The following SPTLC3 variants were observed in gnomAD, a reference collection of about 807,000 sequenced individuals.
SPTLC3 encodes serine palmitoyltransferase 3.
Under a neutral mutation model 59.3 loss-of-function variants are expected in SPTLC3, and 36 were observed. That is an observed-to-expected ratio of 0.61 (90% CI 0.47 to 0.80). SPTLC3 has a LOEUF of 0.80. Among genes scored for constraint, SPTLC3 ranks in the 30% least tolerant of loss-of-function variants. The probability of loss-of-function intolerance (pLI) is 0.00; values close to 1 mark genes in which losing one functional copy is unlikely to be tolerated. For synonymous variants in SPTLC3, 257 were observed against 240.8 expected (o/e 1.07, Z -0.62); for missense variants, 625 against 685.1 (o/e 0.91, Z 0.98).
chr20:13,089,151 T>C (rs1025177777), intron 4 of SPTLC3, among the ~76,000 whole-genome samples: 1 of 152,188 alleles, frequency 6.6e-6, no homozygotes, highest in Non-Finnish European at 1.5e-5. Flanking sequence ...AATTCTTATA[T>C]CATACTTTGT....
chr20:13,033,221 T>G (rs533722439), intron 1 of SPTLC3, among the ~76,000 whole-genome samples: 2 of 152,306 alleles, frequency 1.3e-5, no homozygotes, highest in South Asian at 4.1e-4. Context: ...AATATTCTGA[T>G]AGTATGTGTG....
At chr20:13,140,167 A>G (rs1412092090) in intron 9 of SPTLC3, among the ~76,000 whole-genome samples, 1 of 152,248 alleles carries the variant, frequency 6.6e-6, no homozygotes, top group African/African-American at 2.4e-5. Context: ...ATAGTAGCAT[A>G]CAGACATTAA....
intron 1 of SPTLC3, among the ~76,000 whole-genome samples, chr20:13,044,065 A>G (rs1987116703): frequency 6.7e-6 from 1 of 149,976 alleles, no homozygotes; most frequent in Non-Finnish European, 1.5e-5. Context: ...CTCCCTAGGT[A>G]TTGATACATT....
At position 13,041,267 on chromosome 20, in the gene SPTLC3, G is replaced by A. The variant is rs373961765; in HGVS notation, c.118-7678G>A. Among the ~76,000 whole-genome samples, 46 of 151,654 alleles carry A rather than the reference G, an allele frequency of 3.0e-4. 2 individuals are homozygous for A. The South Asian group carries it at 6.0e-3, about 20-fold the overall frequency. On this transcript the variant is annotated intron_variant, in intron 1 of 11. Transcript: ENST00000399002. ...CATGTTTCAGAGGCCTTGTTCATTT[G>A]TCTTTATTTTTTTCCTCTGGTTTTT... is the stretch of plus-strand genomic sequence containing the variant.
At chr20:13,058,212 AT>A (rs1252715696) in intron 2 of SPTLC3, among the ~76,000 whole-genome samples, 2 of 152,142 alleles carry the variant, frequency 1.3e-5, no homozygotes, top group African/African-American at 4.8e-5. Flanking sequence ...ATAAATTGTT[AT>A]TTTGCATCCA....
In SPTLC3 at chr20:13,088,358, G is replaced by A. The variant is rs566323290; in HGVS notation, c.608-2725G>A. 3.7e-3 allele frequency among the ~76,000 whole-genome samples: 568 copies of A among 152,096 alleles called. 3 individuals are homozygous for A. The highest frequency in any genetic ancestry group is 0.013 in the African/African-American group (548 of 41,498). ...TGTCTTTGTTTTTGTTTTTTGAGAT[G>A]GAGTCTTGCTCTGTCGCCCAGGCTG... On this transcript the variant is annotated intron_variant, in intron 4 of 11. Coordinates refer to ENST00000399002, the MANE Select transcript of SPTLC3 (RefSeq NM_018327.4).
Position 13,166,325 on chromosome 20 carries a change from C to A in SPTLC3, c.*1458C>A, listed in dbSNP as rs1250727370. ...GAGCAGTGTGCCCTGATGCTCAAAG[C>A]GTATTAAAGGAAAAAAAGTGATCAG... On this transcript the variant is annotated 3_prime_UTR_variant, in exon 12 of 12. Coordinates refer to ENST00000399002, the MANE Select transcript of SPTLC3 (RefSeq NM_018327.4). 6.6e-6 allele frequency: 1 copy of A among 152,394 alleles called. No homozygotes were observed. Among genetic ancestry groups the A allele is most frequent in the Non-Finnish European group, 1.5e-5 (1 of 68,016 alleles). 9.4% of individuals were successfully genotyped at this position (152,394 alleles called of 1,614,324 possible).
chr20:13,097,211 T>C (rs1452135169), intron 6 of SPTLC3, among the ~76,000 whole-genome samples: 1 of 152,084 alleles, frequency 6.6e-6, no homozygotes, highest in Admixed American at 6.6e-5. Context: ...ATTAAGATAA[T>C]TCTAATCAGG....
intron 1 of SPTLC3, among the ~76,000 whole-genome samples, chr20:13,018,701 A>C (rs1024597467): frequency 6.6e-6 from 1 of 152,092 alleles, no homozygotes; most frequent in African/African-American, 2.4e-5. Flanking sequence ...TCCTGGAAAA[A>C]TTTTCTCTCA....
chr20:13,164,330 G>A (rs942253824), intron 11 of SPTLC3: 11 of 471,600 alleles, frequency 2.3e-5, no homozygotes, highest in Middle Eastern at 3.2e-4. Context: ...ATCAGCTCCC[G>A]CAACATTCCT....
At chr20:13,065,432 C>G (rs1332122673) in intron 2 of SPTLC3, among the ~76,000 whole-genome samples, 1 of 151,490 alleles carries the variant, frequency 6.6e-6, no homozygotes, top group Non-Finnish European at 1.5e-5. Flanking sequence ...ATAGCCATCT[C>G]TTTCTTTTAT....
In SPTLC3 at chr20:13,079,867, G is replaced by A. The variant is rs540691761; in HGVS notation, c.607+5370G>A. On this transcript the variant is annotated intron_variant, in intron 4 of 11. Transcript: ENST00000399002. ...TGGGCAGGCACTCTTCCCTGTTGGA[G>A]GTGAGGCAGCCTGCTCCCAACCCAA... 1.4e-3 allele frequency: 593 copies of A among 413,640 alleles called. 1 individual carries two copies. Among genetic ancestry groups the A allele is most frequent in the Non-Finnish European group, 1.7e-3 (334 of 198,184 alleles). The allele number at this position is 413,640 out of a possible 1,614,324, so 25.6% of individuals were successfully genotyped here.
In SPTLC3 at chr20:13,110,141, G is replaced by A. The variant is rs781771097; in HGVS notation, c.856G>A (p.Asp286Asn). ...NTQSLEKLLRDAVIYGQPRTR... is the reference protein window; with the variant it reads ...NTQSLEKLLRNAVIYGQPRTR... ...ACAAAGCCTAGAGAAGCTCCTGAGA[G>A]ATGCTGTCATCTATGGCCAGCCTCG... is the stretch of plus-strand genomic sequence containing the variant. Residue 286 changes from aspartate (D) to asparagine (N), a missense_variant, in exon 7 of 12, where the codon GAT becomes AAT. Coordinates refer to ENST00000399002, the MANE Select transcript of SPTLC3 (RefSeq NM_018327.4). 69 of 1,613,344 alleles carry A rather than the reference G, an allele frequency of 4.3e-5. No homozygotes were observed. Among genetic ancestry groups the A allele is most frequent in the Non-Finnish European group, 5.3e-5 (63 of 1,179,702 alleles).
At position 13,048,950 on chromosome 20, in the gene SPTLC3, T is replaced by C; in HGVS notation, c.123T>C (p.Asn41=). Residue 41 remains asparagine (N), a synonymous_variant, in exon 2 of 12, where the codon AAT becomes AAC. Transcript: ENST00000399002. ...KNGIVKEAQQ[N]GKPHFYDKLI... ...ATTTTCTTTTGTGTTTTCAGCAAAATGGGAAGCCACATTTTTATGATAAGC... is the reference window on the plus strand; with the variant it reads ...ATTTTCTTTTGTGTTTTCAGCAAAACGGGAAGCCACATTTTTATGATAAGC... The C allele has an allele frequency of 6.4e-7, 1 of 1,552,936 alleles. No homozygotes were observed. Among genetic ancestry groups the C allele is most frequent in the East Asian group, 2.3e-5 (1 of 43,908 alleles).
chr20:13,025,956 C>A (rs754226713), intron 1 of SPTLC3, among the ~76,000 whole-genome samples: 80 of 152,084 alleles, frequency 5.3e-4, no homozygotes, highest in Non-Finnish European at 9.9e-4. Flanking sequence ...GCATTTAGCT[C>A]CCACTTCTGA....
At chr20:13,054,572 G>A (rs1843901612) in intron 2 of SPTLC3, among the ~76,000 whole-genome samples, 1 of 152,094 alleles carries the variant, frequency 6.6e-6, no homozygotes, top group Non-Finnish European at 1.5e-5. Context: ...ATTTGACCTA[G>A]GAAAATAGGA....
intron 1 of SPTLC3, among the ~76,000 whole-genome samples, chr20:13,028,428 A>G (rs1165322901): frequency 6.6e-6 from 1 of 152,142 alleles, no homozygotes; most frequent in African/African-American, 2.4e-5. Flanking sequence ...CCATGATTCA[A>G]AAGATCTAAT....
chr20:13,077,194 C>A (rs910370968), intron 4 of SPTLC3, among the ~76,000 whole-genome samples: 1 of 151,624 alleles, frequency 6.6e-6, no homozygotes, highest in Non-Finnish European at 1.5e-5. Context: ...GCCAGCATAA[C>A]CTTGATCTCC....
intron 3 of SPTLC3, chr20:13,073,957 A>T: frequency 5.1e-6 from 3 of 591,232 alleles, no homozygotes; most frequent in Admixed American, 3.8e-5. Flanking sequence ...ACCTGAGTGG[A>T]TGTTACCAAC....
Sources: allele counts gnomAD v4.1 joint callset (sites outside exome capture counted in the v4.1 genomes callset), GRCh38; gene constraint gnomAD v4.1.1; transcripts MANE v1.5; gene names NCBI Gene and HGNC (gene_info 2026-07-23, HGNC 2026-07-21).